ASB6: variants seen among roughly 807,000 people sequenced by gnomAD.
ASB6 encodes the protein ankyrin repeat and SOCS box containing 6.
In ASB6, 24 loss-of-function variants were observed where a neutral mutation model predicts 28.6. The ratio of observed to expected loss-of-function variants is 0.84; its 90% confidence interval spans 0.61 to 1.18. The LOEUF (loss-of-function observed/expected upper bound fraction) is 1.18, where lower values mean the gene tolerates loss of function less well. Ranked by LOEUF, ASB6 falls within the 50% of genes most tolerant of loss-of-function variation. ASB6 has a pLI of 0.00. For missense variants in ASB6, 519 were observed against 559.8 expected (o/e 0.93, Z 0.74); for synonymous variants, 267 against 243.4 (o/e 1.10, Z -0.90).
chr9:129,636,688 C>G lies in ASB6; in HGVS notation c.*1102G>C, dbSNP rs192898626. The stretch of plus-strand genomic sequence containing the variant: ...CTCCAGCCTGGGTGACAGAGTGTCT[C>G]GAAAAAAAAAAATAATAAAATGGGA... On this transcript the variant is annotated 3_prime_UTR_variant, in exon 6 of 6. Coordinates refer to ENST00000277458, the MANE Select transcript of ASB6 (RefSeq NM_017873.4). The G allele has an allele frequency of 6.6e-6, 1 of 150,470 alleles. No individual in the cohort carries two copies. The highest frequency in any genetic ancestry group is 2.4e-5 in the African/African-American group (1 of 40,852). 9.3% of individuals were successfully genotyped at this position (150,470 alleles called of 1,614,324 possible). A position where few individuals can be genotyped will look rare whatever the true frequency, so the allele number is the denominator to read the frequency against.
rs1249659719 is a variant in ASB6 at position 129,637,516 on chromosome 9, T to C, written c.*274A>G. ...TGGCACTGCCCTCCAATTCAGAGGG[T>C]ATAAACATCAATCCAAGCCCTGTTC... is the stretch of plus-strand genomic sequence containing the variant. On this transcript the variant is annotated 3_prime_UTR_variant, in exon 6 of 6. Coordinates refer to ENST00000277458, the MANE Select transcript of ASB6 (RefSeq NM_017873.4). The C allele has an allele frequency of 6.5e-6, 2 of 309,980 alleles. No homozygotes were observed. Among genetic ancestry groups the C allele is most frequent in the Non-Finnish European group, 1.2e-5 (2 of 168,512 alleles). 19.2% of individuals were successfully genotyped at this position (309,980 alleles called of 1,614,324 possible).
intron 2 of ASB6, 106 bp from the exon 3 acceptor site, chr9:129,639,614 A>T: frequency 3.1e-6 from 3 of 974,522 alleles, no homozygotes; most frequent in Non-Finnish European, 4.6e-6. Flanking sequence ...GTCCAGAAGC[A>T]CAGGCCCAGC....
At position 129,638,626 on chromosome 9, in the gene ASB6, C is replaced by G. The variant is rs778041755; in HGVS notation, c.545G>C (p.Ser182Thr). 3 of 1,613,758 alleles carry G rather than the reference C, an allele frequency of 1.9e-6. No individual in the cohort carries two copies. In the African/African-American group the frequency reaches 4.0e-5, roughly 22 times the overall value. ...AGTATTGTGGATCTGCACCCCGTCG[C>G]TGCTGGCCAGAGCATGGAGCAGAGC... ...KTALLHALAS[S>T]DGVQIHNTEN... The change falls in exon 5 of 6, where the codon AGC becomes ACC. Residue 182 changes from serine to threonine, a missense_variant. Coordinates refer to ENST00000277458, the MANE Select transcript of ASB6 (RefSeq NM_017873.4).
rs754198641 is a variant in ASB6 at position 129,638,018 on chromosome 9, G to A, written c.1038C>T (p.Phe346=). ...CCAGGCTGCCCACAGGGTGGATATC[G>A]AAGTTTTCGGGCAGCTGGAGTTTCT... ...NSQKLQLPEN[F]DIHPVGSLAE... The change falls in exon 6 of 6, where the codon TTC becomes TTT. Residue 346 remains phenylalanine (F), a synonymous_variant. Transcript: ENST00000277458. The A allele has an allele frequency of 4.4e-5, 71 of 1,613,914 alleles. No homozygotes were observed. In the East Asian group the frequency reaches 7.3e-4, roughly 17 times the overall value.
intron 4 of ASB6, 125 bp from the exon 5 acceptor site, chr9:129,638,784 C>T: frequency 1.3e-6 from 1 of 799,888 alleles, no homozygotes; most frequent in South Asian, 1.5e-5. Context: ...AGACAACTCT[C>T]AGCTCAGGTG....
chr9:129,638,079 G>A lies in ASB6; in HGVS notation c.977C>T (p.Ala326Val), dbSNP rs1300024256. ...DESHADLLRK[A>V]ETVLDLMVTN... is the part of the protein sequence containing the mutation. The stretch of plus-strand genomic sequence containing the variant: ...CACCATGAGATCCAGGACAGTCTCA[G>A]CTTTGCGCAGGAGGTCCGCATGGCT... Residue 326 changes from alanine (A) to valine (V), a missense_variant, in exon 6 of 6, where the codon GCT becomes GTT. Ala to Val is a moderately conservative substitution (Grantham distance 64, BLOSUM62 0). Coordinates refer to ENST00000277458, the MANE Select transcript of ASB6 (RefSeq NM_017873.4). 2 of 1,614,092 alleles carry A rather than the reference G, an allele frequency of 1.2e-6. No individual in the cohort carries two copies. The highest frequency in any genetic ancestry group is 1.7e-6 in the Non-Finnish European group (2 of 1,180,048).
In ASB6 at chr9:129,635,338, C is replaced by T. The variant is rs145300752; in HGVS notation, c.*2452G>A. ...TGATTCTGGACGACGTGGACAGCAG[C>T]GTGTGCCGGGACCTTGACGTGGTCC... On this transcript the variant is annotated 3_prime_UTR_variant, in exon 6 of 6. Transcript: ENST00000277458. 11 of 1,613,712 alleles carry T rather than the reference C, an allele frequency of 6.8e-6. No individual in the cohort carries two copies. Among genetic ancestry groups the T allele is most frequent in the African/African-American group, 2.7e-5 (2 of 74,932 alleles).
In ASB6 at chr9:129,638,598, C is replaced by T. The variant is rs1184203396; in HGVS notation, c.573G>A (p.Glu191=). The change falls in exon 5 of 6, where the codon GAG becomes GAA. Residue 191 remains glutamate, a synonymous_variant. Coordinates refer to ENST00000277458, the MANE Select transcript of ASB6 (RefSeq NM_017873.4). ...CTCCTTCCAGTAAGAGACGAATGTT[C>T]TCAGTATTGTGGATCTGCACCCCGT... ...SSDGVQIHNT[E]NIRLLLEGGA... The T allele has an allele frequency of 6.2e-7, 1 of 1,613,866 alleles. No homozygotes were observed. Among genetic ancestry groups the T allele is most frequent in the African/African-American group, 1.3e-5 (1 of 74,916 alleles).
chr9:129,638,627 T>C lies in ASB6; in HGVS notation c.544A>G (p.Ser182Gly), dbSNP rs1200452082. 8.7e-6 allele frequency: 14 copies of C among 1,613,708 alleles called. No homozygotes were observed. Among genetic ancestry groups the C allele is most frequent in the African/African-American group, 1.3e-5 (1 of 74,900 alleles). Residue 182 changes from serine to glycine, a missense_variant, in exon 5 of 6, where the codon AGC becomes GGC. By Grantham distance (56) the Ser-to-Gly change is moderately conservative. Coordinates refer to ENST00000277458, the MANE Select transcript of ASB6 (RefSeq NM_017873.4). ...GTATTGTGGATCTGCACCCCGTCGC[T>C]GCTGGCCAGAGCATGGAGCAGAGCA... ...KTALLHALAS[S>G]DGVQIHNTEN... is the part of the protein sequence containing the mutation.
chr9:129,639,078 C>G (rs28539726), intron 4 of ASB6, 124 bp downstream of exon 4: 4 of 963,868 alleles, frequency 4.1e-6, no homozygotes, highest in Non-Finnish European at 6.3e-6. Context: ...CCCAGCCATG[C>G]TGTGCCACCA....
At chr9:129,640,797 T>C in intron 1 of ASB6, 75 bp from the exon 2 acceptor site, 2 of 1,547,134 alleles carry the variant, frequency 1.3e-6, no homozygotes, top group Admixed American at 3.7e-5. Flanking sequence ...GTTGGTGGGC[T>C]TTAGTCCTGC....
rs770398010 is a variant in ASB6, at chr9:129,640,605, A to C, written c.231T>G (p.Ala77=). ...EGVSNALLKM[A]ELGLTRAADV... The stretch of plus-strand genomic sequence containing the variant: ...CGGCCGCCCGCGTCAGCCCCAGCTC[A>C]GCCATCTTGAGCAGGGCGTTGCTCA... The change falls in exon 2 of 6, where the codon GCT becomes GCG. Residue 77 remains alanine (A), a synonymous_variant. Transcript: ENST00000277458. The C allele has an allele frequency of 1.2e-5, 19 of 1,613,828 alleles. No homozygotes were observed. Among genetic ancestry groups the C allele is most frequent in the Non-Finnish European group, 1.6e-5 (19 of 1,179,948 alleles).
rs1340799229 is a variant in ASB6, at chr9:129,635,282, G to A, written c.*2508C>T. ...CAGCCTCCGCCCCAACGGCATCATCGTCATCAAAGACAACATGGCCCAGGA... is the reference window on the plus strand; with the variant it reads ...CAGCCTCCGCCCCAACGGCATCATCATCATCAAAGACAACATGGCCCAGGA... On this transcript the variant is annotated 3_prime_UTR_variant, in exon 6 of 6. Coordinates refer to ENST00000277458, the MANE Select transcript of ASB6 (RefSeq NM_017873.4). The A allele has an allele frequency of 9.3e-6, 15 of 1,613,452 alleles. No homozygotes were observed. Among genetic ancestry groups the A allele is most frequent in the Admixed American group, 6.7e-5 (4 of 60,004 alleles).
At position 129,635,188 on chromosome 9, in the gene ASB6, C is replaced by G; in HGVS notation, c.*2602G>C. Reference sequence around the variant, plus strand: ...TCCGCTTGCATGGTGCCCTGGTAACCTTGCCTCTGCCCTCCCCAGGCCACC... The same window carrying G: ...TCCGCTTGCATGGTGCCCTGGTAACGTTGCCTCTGCCCTCCCCAGGCCACC... On this transcript the variant is annotated 3_prime_UTR_variant, in exon 6 of 6. Coordinates refer to ENST00000277458, the MANE Select transcript of ASB6 (RefSeq NM_017873.4). 1 of 1,597,800 alleles carries G rather than the reference C, an allele frequency of 6.3e-7. No homozygotes were observed. The highest frequency in any genetic ancestry group is 1.7e-4 in the Middle Eastern group (1 of 5,996).
In ASB6 at chr9:129,637,906, G is replaced by T; in HGVS notation, c.1150C>A (p.Arg384=). The change falls in exon 6 of 6, where the codon CGG becomes AGG. Residue 384 remains arginine (R), a synonymous_variant. Coordinates refer to ENST00000277458, the MANE Select transcript of ASB6 (RefSeq NM_017873.4). The stretch of plus-strand genomic sequence containing the variant: ...ACAGGCCACGGCTGAAGGTAGAGCC[G>T]GATGGCCACACGGCACAGGTGCTTG... ...PLKHLCRVAI[R]LYLQPWPVDV... is the part of the protein sequence containing the mutation. 6.3e-7 allele frequency: 1 copy of T among 1,581,310 alleles called. No homozygotes were observed. The highest frequency in any genetic ancestry group is 1.7e-4 in the Middle Eastern group (1 of 5,892).
At chr9:129,639,598 TAA>T (rs982078275) in intron 2 of ASB6, 90 bp from the exon 3 acceptor site, 9 of 1,172,574 alleles carry the variant, frequency 7.7e-6, no homozygotes, top group Non-Finnish European at 9.7e-6. Context: ...AACTCCCACC[TAA>T]AGTGTCCAGA....
chr9:129,641,646 G>A lies in ASB6; in HGVS notation c.113+241C>T, dbSNP rs369928476. On this transcript the variant is annotated intron_variant, in intron 1 of 5. Coordinates refer to ENST00000277458, the MANE Select transcript of ASB6 (RefSeq NM_017873.4). ...GCGACAGGGTGGGGCTGAGGCGCAGGCCCTGCGACAACCCGCGGGCCTCCG... is the reference window on the plus strand; with the variant it reads ...GCGACAGGGTGGGGCTGAGGCGCAGACCCTGCGACAACCCGCGGGCCTCCG... Among the ~76,000 whole-genome samples, 6 of 149,452 alleles carry A rather than the reference G, an allele frequency of 4.0e-5. No individual in the cohort carries two copies. The East Asian group carries it at 5.9e-4, about 15-fold the overall frequency.
chr9:129,640,393 G>A (rs541662404), intron 2 of ASB6, 148 bp downstream of exon 2: 3 of 1,137,246 alleles, frequency 2.6e-6, no homozygotes, highest in South Asian at 1.8e-5. Context: ...CCACCCAATG[G>A]GAGTTTCCTT....
chr9:129,635,464 A>T lies in ASB6; in HGVS notation c.*2326T>A, dbSNP rs1265496702. On this transcript the variant is annotated 3_prime_UTR_variant, in exon 6 of 6. Coordinates refer to ENST00000277458, the MANE Select transcript of ASB6 (RefSeq NM_017873.4). ...ATGTCTATAGCTTTGCCCTGAGATGAGCCGGGGCTGGCAGGAGAAACTGAG... is the reference window on the plus strand; with the variant it reads ...ATGTCTATAGCTTTGCCCTGAGATGTGCCGGGGCTGGCAGGAGAAACTGAG... 1 of 1,604,278 alleles carries T rather than the reference A, an allele frequency of 6.2e-7. No individual in the cohort carries two copies. Among genetic ancestry groups the T allele is most frequent in the Non-Finnish European group, 8.5e-7 (1 of 1,172,998 alleles).
Sources: allele counts gnomAD v4.1 joint callset (sites outside exome capture counted in the v4.1 genomes callset), GRCh38; gene constraint gnomAD v4.1.1; transcripts MANE v1.5; gene names NCBI Gene and HGNC (gene_info 2026-07-23, HGNC 2026-07-21).